The following SCN3B variants were observed in gnomAD, a reference collection of about 807,000 sequenced individuals.
The protein encoded by SCN3B is sodium channel regulatory subunit beta-3.
SCN3B carries 11 observed loss-of-function variants against 25.4 expected under a neutral mutation model. The observed-to-expected ratio is 0.43, with a 90% CI of 0.27 to 0.72. SCN3B has a LOEUF of 0.72. Ranked by LOEUF, SCN3B falls within the 30% of genes least tolerant of loss-of-function variation. The pLI, the probability that SCN3B is intolerant of heterozygous loss-of-function variation, is 0.18. For synonymous variants in SCN3B, 109 were observed against 110.7 expected (o/e 0.99, Z 0.09); for missense variants, 218 against 278.3 (o/e 0.78, Z 1.54).
intron 4 of SCN3B, 147 bp from the exon 5 acceptor site, chr11:123,638,471 C>A: frequency 9.1e-7 from 1 of 1,093,194 alleles, no homozygotes; most frequent in East Asian, 2.6e-5. Context: ...CTGACTCTCC[C>A]GCCCATTGGC....
chr11:123,653,706 A>T (rs1010544769), intron 2 of SCN3B, 41 bp downstream of exon 2: 2 of 1,605,682 alleles, frequency 1.2e-6, no homozygotes, highest in African/African-American at 2.7e-5. Context: ...TAGCATTGTT[A>T]CTGTTACCTG....
At chr11:123,640,639 T>C (rs1359101461) in intron 4 of SCN3B, 2 of 152,218 alleles carry the variant, frequency 1.3e-5, no homozygotes, top group African/African-American at 4.8e-5. Flanking sequence ...GCGAATTTGC[T>C]GCACGTCCCT....
In SCN3B at chr11:123,629,347, G is replaced by A. The variant is rs1390384673; in HGVS notation, c.*4452C>T. 2.0e-5 allele frequency: 3 copies of A among 152,198 alleles called. No homozygotes were observed. Among genetic ancestry groups the A allele is most frequent in the Non-Finnish European group, 4.4e-5 (3 of 68,050 alleles). The allele number at this position is 152,198 out of a possible 1,614,324, so 9.4% of individuals were successfully genotyped here. A position where few individuals can be genotyped will look rare whatever the true frequency, so the allele number is the denominator to read the frequency against. The stretch of plus-strand genomic sequence containing the variant: ...AGCCTGCAAGCACTCGGCCTTCAGC[G>A]GCCTCCGTCTCCATCACACACACTG... On this transcript the variant is annotated 3_prime_UTR_variant, in exon 7 of 7. Coordinates refer to ENST00000299333, the MANE Select transcript of SCN3B (RefSeq NM_001040151.2).
rs1246189325 is a variant in SCN3B, at chr11:123,632,184, T to C, written c.*1615A>G. On this transcript the variant is annotated 3_prime_UTR_variant, in exon 7 of 7. Transcript: ENST00000299333. ...GGAAAAAAATCTGAAAATTATGCAT[T>C]CATAGGCGAAGTATTTGGAAAGCAC... 3 of 152,218 alleles carry C rather than the reference T, an allele frequency of 2.0e-5. No homozygotes were observed. The highest frequency in any genetic ancestry group is 7.2e-5 in the African/African-American group (3 of 41,462). 9.4% of individuals were successfully genotyped at this position (152,218 alleles called of 1,614,324 possible).
intron 4 of SCN3B, 98 bp from the exon 5 acceptor site, chr11:123,638,422 G>A (rs1955753523): frequency 1.5e-5 from 23 of 1,503,676 alleles, no homozygotes; most frequent in South Asian, 5.8e-5. Context: ...TAAAGACTGA[G>A]TAAAGAAACT....
intron 5 of SCN3B, among the ~76,000 whole-genome samples, 170 bp downstream of exon 5, chr11:123,638,016 G>A (rs1451619684): frequency 4.6e-5 from 7 of 152,118 alleles, no homozygotes; most frequent in Admixed American, 2.0e-4. Context: ...CCAACTCTCC[G>A]AAATTCAGTG....
chr11:123,653,918 T>C (rs1955962295), intron 1 of SCN3B, 92 bp from the exon 2 acceptor site: 6 of 1,217,798 alleles, frequency 4.9e-6, no homozygotes, highest in Admixed American at 1.7e-5. Context: ...GGGGGCGACT[T>C]TCTGACCGAA....
At chr11:123,654,006 C>A in intron 1 of SCN3B, 180 bp from the exon 2 acceptor site, 1 of 611,254 alleles carries the variant, frequency 1.6e-6, no homozygotes, top group Non-Finnish European at 2.9e-6. Flanking sequence ...CCTAAGCGAC[C>A]CCACTGGACC....
chr11:123,638,280 T>A lies in SCN3B; in HGVS notation c.490A>T (p.Ile164Phe). The change falls in exon 5 of 7, where the codon ATC becomes TTC. Residue 164 changes from isoleucine (I) to phenylalanine (F), a missense_variant. Transcript: ENST00000299333. ...CACAAGGTGAGGAAGACCAGAAGGA[T>A]GTACATCATGATTTCTGAGACCACA... Reference protein sequence around the residue: ...TSVVSEIMMYILLVFLTLWLL... With the variant: ...TSVVSEIMMYFLLVFLTLWLL... 1 of 1,614,176 alleles carries A rather than the reference T, an allele frequency of 6.2e-7. No individual in the cohort carries two copies. Among genetic ancestry groups the A allele is most frequent in the Non-Finnish European group, 8.5e-7 (1 of 1,180,044 alleles).
At chr11:123,650,213 A>T (rs1446934597) in intron 2 of SCN3B, among the ~76,000 whole-genome samples, 29 of 152,198 alleles carry the variant, frequency 1.9e-4, no homozygotes, top group Admixed American at 1.9e-3. Context: ...TAATGATCAT[A>T]TTTCACTAGG....
At position 123,653,807 on chromosome 11, in the gene SCN3B, G is replaced by C; in HGVS notation, c.-6C>G. 1 of 1,614,214 alleles carries C rather than the reference G, an allele frequency of 6.2e-7. No homozygotes were observed. Among genetic ancestry groups the C allele is most frequent in the South Asian group, 1.1e-5 (1 of 91,084 alleles). ...AATCTATTGAAGGCAGGCATCTTCT[G>C]GGGCTGGCGGCTTCCAAGGCTACAC... is the stretch of plus-strand genomic sequence containing the variant. On this transcript the variant is annotated 5_prime_UTR_variant, in exon 2 of 7. Transcript: ENST00000299333.
Position 123,645,751 on chromosome 11 carries a change from C to A in SCN3B, c.56-1G>T. 3 of 1,613,998 alleles carry A rather than the reference C, an allele frequency of 1.9e-6. No homozygotes were observed. The highest frequency in any genetic ancestry group is 2.5e-6 in the Non-Finnish European group (3 of 1,180,020). Reference sequence around the variant, plus strand: ...ACACACACAGGGAAGCAGACACTGACTGCAGAGAGGACAGATGGACAGGGA... The same window carrying A: ...ACACACACAGGGAAGCAGACACTGAATGCAGAGAGGACAGATGGACAGGGA... On this transcript the variant is annotated splice_acceptor_variant, in intron 2 of 6. Transcript: ENST00000299333. LOFTEE classifies it high-confidence loss of function.
In SCN3B at chr11:123,629,975, C is replaced by T. The variant is rs1043954923; in HGVS notation, c.*3824G>A. 1 of 152,216 alleles carries T rather than the reference C, an allele frequency of 6.6e-6. No individual in the cohort carries two copies. The highest frequency in any genetic ancestry group is 2.4e-5 in the African/African-American group (1 of 41,448). The allele number at this position is 152,216 out of a possible 1,614,324, so 9.4% of individuals were successfully genotyped here. ...TTCCCTCAGATTTATGTGAGGAGGA[C>T]TCACAGATTCTGAGATGGATGGAAT... is the stretch of plus-strand genomic sequence containing the variant. On this transcript the variant is annotated 3_prime_UTR_variant, in exon 7 of 7. Coordinates refer to ENST00000299333, the MANE Select transcript of SCN3B (RefSeq NM_001040151.2).
At chr11:123,651,326 T>C (rs915800985) in intron 2 of SCN3B, among the ~76,000 whole-genome samples, 4 of 152,030 alleles carry the variant, frequency 2.6e-5, no homozygotes, top group African/African-American at 9.7e-5. Context: ...TGGAATTGCA[T>C]GCAAATCAAA....
chr11:123,649,289 T>C (rs1327481899), intron 2 of SCN3B, among the ~76,000 whole-genome samples: 1 of 152,164 alleles, frequency 6.6e-6, no homozygotes, highest in Admixed American at 6.5e-5. Flanking sequence ...GGGAAAGCAG[T>C]CAGGATGGCA....
intron 2 of SCN3B, among the ~76,000 whole-genome samples, chr11:123,648,769 A>T (rs1955885179): frequency 6.6e-6 from 1 of 152,240 alleles, no homozygotes; most frequent in Non-Finnish European, 1.5e-5. Flanking sequence ...AAGGGGCCCA[A>T]AGGAGTGTGT....
At chr11:123,638,641 C>A in intron 4 of SCN3B, 1 of 392,676 alleles carries the variant, frequency 2.5e-6, no homozygotes, top group East Asian at 5.8e-5. Context: ...AACCATTTCC[C>A]TTACTTGAGA....
chr11:123,644,072 G>A (rs1363743329), intron 3 of SCN3B, among the ~76,000 whole-genome samples: 1 of 152,196 alleles, frequency 6.6e-6, no homozygotes, highest in African/African-American at 2.4e-5. Flanking sequence ...CTTGCCCCCA[G>A]GAAGGCAAAG....
chr11:123,638,813 G>C (rs1955756643), intron 4 of SCN3B: 2 of 208,652 alleles, frequency 9.6e-6, no homozygotes, highest in Non-Finnish European at 1.9e-5. Context: ...AGCTGCCGGT[G>C]GTGGAGGGTG....
Sources: allele counts gnomAD v4.1 joint callset (sites outside exome capture counted in the v4.1 genomes callset), GRCh38; gene constraint gnomAD v4.1.1; transcripts MANE v1.5; gene names NCBI Gene and HGNC (gene_info 2026-07-23, HGNC 2026-07-21).